The following HYDIN variants were observed in gnomAD, a reference collection of about 807,000 sequenced individuals.
HYDIN encodes axonemal central pair apparatus protein HYDIN.
Under a neutral mutation model 403.9 loss-of-function variants are expected in HYDIN, and 132 were observed. That is an observed-to-expected ratio of 0.33 (90% confidence interval 0.28 to 0.38). The LOEUF (loss-of-function observed/expected upper bound fraction) is 0.38, where lower values mean the gene tolerates loss of function less well. Ranked by LOEUF, HYDIN falls within the 10% of genes least tolerant of loss-of-function variation. The pLI is 1.00. For missense variants in HYDIN, 2,827 were observed against 5,009.5 expected, an observed-to-expected ratio of 0.56 and a Z score of 13.15; for synonymous variants, 1,202 against 1,891.7, an observed-to-expected ratio of 0.64 and a Z score of 9.46.
chr16:71,220,172 T>A (rs1221683987), intron 1 of HYDIN, among the ~76,000 whole-genome samples: 3 of 152,134 alleles, frequency 2.0e-5, no homozygotes, highest in African/African-American at 4.8e-5. Context: ...TAAAACATGG[T>A]TTCAATACTA....
In HYDIN at chr16:70,807,342, G is replaced by C; in HGVS notation, c.*238C>G. 1 of 471,070 alleles carries C rather than the reference G, an allele frequency of 2.1e-6. No homozygotes were observed. Among genetic ancestry groups the C allele is most frequent in the Non-Finnish European group, 3.7e-6 (1 of 270,732 alleles). 29.2% of individuals were successfully genotyped at this position (471,070 alleles called of 1,614,324 possible). On this transcript the variant is annotated 3_prime_UTR_variant, in exon 86 of 86. Transcript: ENST00000393567. ...GGGCTATGTCAAGAAACTCAATTTA[G>C]GGACTCACAAGGATTCAGTTGTCTA...
intron 1 of HYDIN, among the ~76,000 whole-genome samples, chr16:71,219,052 C>A (rs1420086907): frequency 6.6e-6 from 1 of 152,102 alleles, no homozygotes; most frequent in African/African-American, 2.4e-5. Context: ...AATAGCTTAA[C>A]CTTGAAATTT....
At chr16:71,186,092 A>G (rs1307530302) in intron 2 of HYDIN, among the ~76,000 whole-genome samples, 2 of 150,920 alleles carry the variant, frequency 1.3e-5, no homozygotes, top group Non-Finnish European at 3.0e-5. Flanking sequence ...GTTTCTTTAA[A>G]TATGTACCAA....
chr16:71,194,765 C>T (rs889456063), intron 1 of HYDIN, among the ~76,000 whole-genome samples: 3 of 152,208 alleles, frequency 2.0e-5, no homozygotes, highest in Non-Finnish European at 4.4e-5. Context: ...GTCAAAGATA[C>T]AGCCAGGTCT....
At chr16:71,053,933 T>G (rs1373096077) in intron 18 of HYDIN, among the ~76,000 whole-genome samples, 8 of 152,306 alleles carry the variant, frequency 5.3e-5, no homozygotes, top group Non-Finnish European at 1.2e-4. Flanking sequence ...AATACTTCTA[T>G]GGTAGAACAG....
chr16:70,906,009 T>A (rs1473606735), intron 50 of HYDIN, among the ~76,000 whole-genome samples: 2 of 151,932 alleles, frequency 1.3e-5, no homozygotes, highest in Non-Finnish European at 2.9e-5. Context: ...AGATGGCCCA[T>A]AAGCTGCACC....
Position 70,895,992 on chromosome 16 carries a change from G to A in HYDIN, c.9137C>T (p.Thr3046Ile), listed in dbSNP as rs1309414303. The change falls in exon 54 of 86, where the codon ACC becomes ATC. Residue 3046 changes from threonine (T) to isoleucine (I), a missense_variant. Thr to Ile is a moderately conservative substitution (Grantham distance 89). Transcript: ENST00000393567. ...AGGGCCCAACAGACCTTTGGGGAAG[G>A]TGATGTCCAAGGCGATGTCGTATGC... Reference protein sequence around the residue: ...AEAYDIALDITFPKGAEGGLD... With the variant: ...AEAYDIALDIIFPKGAEGGLD... 1 of 1,608,770 alleles carries A rather than the reference G, an allele frequency of 6.2e-7. No individual in the cohort carries two copies.
intron 67 of HYDIN, among the ~76,000 whole-genome samples, chr16:70,865,824 G>C (rs2039714187): frequency 6.6e-6 from 1 of 152,224 alleles, no homozygotes; most frequent in Admixed American, 6.5e-5. Flanking sequence ...ATACCCACCA[G>C]TGTGGATATT....
At chr16:71,058,921 C>A (rs564259954) in intron 18 of HYDIN, among the ~76,000 whole-genome samples, 4 of 152,214 alleles carry the variant, frequency 2.6e-5, no homozygotes, top group African/African-American at 7.2e-5. Flanking sequence ...ATTACCTGCA[C>A]TTAATAACTA....
At chr16:71,068,830 G>A (rs1221296734) in intron 14 of HYDIN, among the ~76,000 whole-genome samples, 3 of 152,206 alleles carry the variant, frequency 2.0e-5, no homozygotes, top group Non-Finnish European at 2.9e-5. Context: ...CATGAATGAA[G>A]CCTGGATTCG....
In HYDIN at chr16:71,041,076, G is replaced by T. The variant is rs374043579; in HGVS notation, c.2530-9159C>A. Among the ~76,000 whole-genome samples, 341 of 148,510 alleles carry T rather than the reference G, an allele frequency of 2.3e-3. 3 individuals are homozygous for T. The highest frequency in any genetic ancestry group is 7.9e-3 in the African/African-American group (318 of 40,224). On this transcript the variant is annotated intron_variant, in intron 18 of 85. Transcript: ENST00000393567. Reference sequence around the variant, plus strand: ...TGTTTACCCTTTATCTCTCCCCTTAGTACCAGGTATAGGAAAAGGGCTCAA... The same window carrying T: ...TGTTTACCCTTTATCTCTCCCCTTATTACCAGGTATAGGAAAAGGGCTCAA...
In HYDIN at chr16:70,952,647, G is replaced by A. The variant is rs201498809; in HGVS notation, c.6317-12C>T. On this transcript the variant is annotated splice_polypyrimidine_tract_variant and intron_variant, in intron 40 of 85. Coordinates refer to ENST00000393567, the MANE Select transcript of HYDIN (RefSeq NM_001270974.2). Reference sequence around the variant, plus strand: ...AGCTGCCTCCTGGGCTATAAGGAGAGGGTGAATTTTTATTAAAAGTCACCT... The same window carrying A: ...AGCTGCCTCCTGGGCTATAAGGAGAAGGTGAATTTTTATTAAAAGTCACCT... 1 of 1,482,358 alleles carries A rather than the reference G, an allele frequency of 6.7e-7. No homozygotes were observed. The highest frequency in any genetic ancestry group is 1.4e-5 in the African/African-American group (1 of 69,392). 91.8% of individuals were successfully genotyped at this position (1,482,358 alleles called of 1,614,324 possible).
At position 71,027,650 on chromosome 16, in the gene HYDIN, T is replaced by G. The variant is rs778803486; in HGVS notation, c.2994A>C (p.Pro998=). 6.2e-7 allele frequency: 1 copy of G among 1,612,480 alleles called. No individual in the cohort carries two copies. The highest frequency in any genetic ancestry group is 1.1e-5 in the South Asian group (1 of 90,750). ...HLHPASMELY[P]GQAIDVILEG... ...CGAGTATCACATCAATTGCCTGGCC[T>G]GGGTACAGCTCCATGCTGGCGGGGT... The change falls in exon 20 of 86, where the codon CCA becomes CCC. Residue 998 remains proline, a synonymous_variant. Coordinates refer to ENST00000393567, the MANE Select transcript of HYDIN (RefSeq NM_001270974.2).
intron 54 of HYDIN, among the ~76,000 whole-genome samples, chr16:70,895,008 A>C (rs2041704457): frequency 6.6e-6 from 1 of 152,228 alleles, no homozygotes; most frequent in African/African-American, 2.4e-5. Context: ...CTACAATACT[A>C]CTATTTCATT....
At position 70,920,869 on chromosome 16, in the gene HYDIN, C is replaced by T. The variant is rs570953482; in HGVS notation, c.7507G>A (p.Gly2503Ser). 1.5e-5 allele frequency: 24 copies of T among 1,606,242 alleles called. No individual in the cohort carries two copies. Among genetic ancestry groups the T allele is most frequent in the African/African-American group, 1.3e-4 (10 of 74,922 alleles). Residue 2503 changes from glycine to serine, a missense_variant, in exon 46 of 86, where the codon GGT becomes AGT. Transcript: ENST00000393567. The part of the protein sequence containing the change: ...EPDDQRQVPL[G>S]GRRGRKDRER... ...CGGTCCTTGCGGCCCCTGCGCCCACCCAAGGGGACCTGGCGCTGGTCGTCG... is the reference window on the plus strand; with the variant it reads ...CGGTCCTTGCGGCCCCTGCGCCCACTCAAGGGGACCTGGCGCTGGTCGTCG...
intron 13 of HYDIN, among the ~76,000 whole-genome samples, chr16:71,073,800 A>G (rs1480539807): frequency 1.3e-5 from 2 of 152,202 alleles, no homozygotes; most frequent in South Asian, 2.1e-4. Context: ...CTATGCCTCA[A>G]TGTTCCTTCA....
At chr16:71,051,616 A>T (rs377638433) in intron 18 of HYDIN, among the ~76,000 whole-genome samples, 8 of 149,416 alleles carry the variant, frequency 5.4e-5, no homozygotes, top group African/African-American at 2.0e-4. Flanking sequence ...ACTGCACTCC[A>T]GCCTGGGCGA....
chr16:71,114,473 C>T (rs962094208), intron 10 of HYDIN, among the ~76,000 whole-genome samples: 2 of 151,918 alleles, frequency 1.3e-5, no homozygotes, highest in African/African-American at 2.4e-5. Context: ...TTATTCTTTC[C>T]CTACCTTGGT....
chr16:70,892,473 A>G lies in HYDIN; in HGVS notation c.9305T>C (p.Val3102Ala). The G allele has an allele frequency of 6.3e-7, 1 of 1,597,770 alleles. No homozygotes were observed. The highest frequency in any genetic ancestry group is 8.5e-7 in the Non-Finnish European group (1 of 1,174,804). ...STPNINSMISVQPKKGSLTPT... is the reference protein window; with the variant it reads ...STPNINSMISAQPKKGSLTPT... ...GGTCAGTGAACCCTTTTTGGGTTGG[A>G]CTGAGATCATGGAATTTATATTAGG... The change falls in exon 56 of 86, where the codon GTC (valine) becomes GCC (alanine). Residue 3102 changes from valine (V) to alanine (A), a missense_variant. Physicochemically the swap from Val to Ala is moderately conservative, Grantham distance 64. Transcript: ENST00000393567.
Sources: gnomAD v4.1 joint callset for allele counts (sites outside exome capture counted in the v4.1 genomes callset) on GRCh38, gnomAD v4.1.1 for gene constraint, MANE v1.5 for transcripts, NCBI Gene and HGNC (gene_info 2026-07-23, HGNC 2026-07-21) for gene names.